ZNF146: variants seen among roughly 807,000 people sequenced by gnomAD.
ZNF146 encodes the protein zinc finger protein OZF.
ZNF146 carries 9 observed loss-of-function variants against 22.2 expected under a neutral mutation model. The ratio of observed to expected loss-of-function variants is 0.41; its 90% CI spans 0.24 to 0.71. The LOEUF (loss-of-function observed/expected upper bound fraction) is 0.71. ZNF146 is among the 30% of genes least tolerant of loss of function. The pLI, the probability that ZNF146 is intolerant of heterozygous loss-of-function variation, is 0.34. For synonymous variants in ZNF146, 108 were observed against 119.2 expected (o/e 0.91, Z 0.61); for missense variants, 194 against 344.8 (o/e 0.56, Z 3.46).
intron 1 of ZNF146, among the ~76,000 whole-genome samples, chr19:36,216,639 G>A (rs1197335417): frequency 6.6e-6 from 1 of 151,928 alleles, no homozygotes; most frequent in East Asian, 1.9e-4. Flanking sequence ...GCCTGGACAA[G>A]AGCGAGATTC....
At chr19:36,215,517 A>G (rs970060834) in intron 1 of ZNF146, among the ~76,000 whole-genome samples, 4 of 152,140 alleles carry the variant, frequency 2.6e-5, no homozygotes, top group Non-Finnish European at 4.4e-5. Context: ...AGTGCTGATA[A>G]TTATAACGGT....
intron 3 of ZNF146, among the ~76,000 whole-genome samples, chr19:36,229,677 A>G (rs532818502): frequency 1.3e-5 from 2 of 152,292 alleles, no homozygotes; most frequent in South Asian, 2.1e-4. Context: ...TATTATGTAC[A>G]TAAGTTTTTT....
chr19:36,227,482 C>T (rs1040836351), intron 2 of ZNF146, among the ~76,000 whole-genome samples: 6 of 151,560 alleles, frequency 4.0e-5, no homozygotes, highest in African/African-American at 1.2e-4. Flanking sequence ...GTCCTGGGCT[C>T]GAGTGATCTT....
At chr19:36,234,361 C>A (rs540501042) in intron 3 of ZNF146, among the ~76,000 whole-genome samples, 58 of 150,426 alleles carry the variant, frequency 3.9e-4, no homozygotes, top group Admixed American at 5.3e-4. Context: ...AAGACTGTCT[C>A]AAAAAAAAAG....
Position 36,237,247 on chromosome 19 carries a change from G to A in ZNF146, c.807G>A (p.Gln269=). 1 of 1,614,014 alleles carries A rather than the reference G, an allele frequency of 6.2e-7. No homozygotes were observed. Among genetic ancestry groups the A allele is most frequent in the Non-Finnish European group, 8.5e-7 (1 of 1,179,974 alleles). ...LRIHTGKKPY[Q]CSECGKAFSQ... ...TACACACAGGTAAGAAGCCTTATCA[G>A]TGCAGTGAATGTGGGAAAGCTTTCA... The change falls in exon 4 of 4, where the codon CAG becomes CAA. Residue 269 remains glutamine, a synonymous_variant. Transcript: ENST00000443387.
chr19:36,232,971 G>T (rs1445915010), intron 3 of ZNF146, among the ~76,000 whole-genome samples: 1 of 152,212 alleles, frequency 6.6e-6, no homozygotes, highest in South Asian at 2.1e-4. Flanking sequence ...CCCCCATGTG[G>T]ATTGAATAAT....
Position 36,236,238 on chromosome 19 carries a change from T to TAG in ZNF146, c.-197_-196dup, listed in dbSNP as rs1349816009. 1 of 564,148 alleles carries TAG rather than the reference T, an allele frequency of 1.8e-6. No homozygotes were observed. The highest frequency in any genetic ancestry group is 2.9e-6 in the Non-Finnish European group (1 of 349,360). The allele number at this position is 564,148 out of a possible 1,614,324, so 34.9% of individuals were successfully genotyped here. A position where few individuals can be genotyped will look rare whatever the true frequency, so the allele number is the denominator to read the frequency against. ...TTCATTGAATATTAGAAAATTTTTC[T>TAG]AGAGAGAAAGCATTGAATATACTGA... On this transcript the variant is annotated 5_prime_UTR_variant, in exon 4 of 4. Transcript: ENST00000443387.
chr19:36,233,073 T>A (rs555648018), intron 3 of ZNF146, among the ~76,000 whole-genome samples: 1 of 152,240 alleles, frequency 6.6e-6, no homozygotes, highest in Non-Finnish European at 1.5e-5. Context: ...AAATTAAATA[T>A]GTATTTTCTA....
chr19:36,225,533 C>T (rs2145420843), intron 2 of ZNF146, among the ~76,000 whole-genome samples: 1 of 151,964 alleles, frequency 6.6e-6, no homozygotes, highest in African/African-American at 2.4e-5. Context: ...TCACTGCAAC[C>T]TCAACCTCCT....
At chr19:36,215,263 G>A (rs550396349) in intron 1 of ZNF146, 67 bp downstream of exon 1, 1 of 152,454 alleles carries the variant, frequency 6.6e-6, no homozygotes, top group South Asian at 2.1e-4. Context: ...TGATCTTTAG[G>A]GGCGCGGCGC....
intron 2 of ZNF146, among the ~76,000 whole-genome samples, chr19:36,225,017 G>T (rs1977009276): frequency 2.0e-5 from 3 of 152,068 alleles, no homozygotes; most frequent in Admixed American, 2.0e-4. Flanking sequence ...GAGGCAGTAG[G>T]CATCCTTGTC....
intron 2 of ZNF146, among the ~76,000 whole-genome samples, chr19:36,224,908 A>G (rs1473267565): frequency 2.6e-5 from 4 of 152,106 alleles, no homozygotes; most frequent in Non-Finnish European, 5.9e-5. Flanking sequence ...TTATGTTGCT[A>G]TGAATGGAGT....
At chr19:36,221,933 T>C (rs983233136) in intron 2 of ZNF146, among the ~76,000 whole-genome samples, 19 of 127,412 alleles carry the variant, frequency 1.5e-4, no homozygotes, top group South Asian at 9.6e-4. Context: ...CTTTCTTTTT[T>C]TTTTTTTTTT....
In ZNF146 at chr19:36,215,146, T is replaced by A. The variant is rs1329887746; in HGVS notation, c.-979T>A. ...GCGCACCGAGTGGACATTTTGGTCT[T>A]TGTCCGCGGGTCAGTACGGCCCCTG... On this transcript the variant is annotated 5_prime_UTR_variant, in exon 1 of 4. It adds an upstream start codon to the 5' untranslated region. Coordinates refer to ENST00000443387, the MANE Select transcript of ZNF146 (RefSeq NM_007145.3). 6.6e-6 allele frequency: 1 copy of A among 152,134 alleles called. No homozygotes were observed. Among genetic ancestry groups the A allele is most frequent in the Non-Finnish European group, 1.5e-5 (1 of 68,058 alleles). The allele number at this position is 152,134 out of a possible 1,614,324, so 9.4% of individuals were successfully genotyped here. A position where few individuals can be genotyped will look rare whatever the true frequency, so the allele number is the denominator to read the frequency against.
At position 36,236,557 on chromosome 19, in the gene ZNF146, G is replaced by A. The variant is rs758875612; in HGVS notation, c.117G>A (p.Thr39=). 4 of 1,613,988 alleles carry A rather than the reference G, an allele frequency of 2.5e-6. No individual in the cohort carries two copies. The highest frequency in any genetic ancestry group is 1.3e-5 in the African/African-American group (1 of 74,900). ...SNLTEHEHFH[T]REKPFECNEC... The stretch of plus-strand genomic sequence containing the variant: ...TCACTGAGCATGAGCATTTTCACAC[G>A]AGAGAGAAACCTTTTGAATGTAACG... Residue 39 remains threonine (T), a synonymous_variant, in exon 4 of 4, where the codon ACG becomes ACA. Transcript: ENST00000443387.
intron 2 of ZNF146, among the ~76,000 whole-genome samples, chr19:36,222,838 C>CT (rs371500908): frequency 0.052 from 4,104 of 78,194 alleles, 209 homozygotes; most frequent in African/African-American, 0.15. Flanking sequence ...ACAGTGGTTT[C>CT]TTTTTTTTTT....
At chr19:36,229,833 C>T (rs566428618) in intron 3 of ZNF146, among the ~76,000 whole-genome samples, 1 of 152,290 alleles carries the variant, frequency 6.6e-6, no homozygotes, top group South Asian at 2.1e-4. Context: ...GATTCTTGTG[C>T]CTCAGGCTCC....
In ZNF146 at chr19:36,235,738, C is replaced by G. The variant is rs1342078474; in HGVS notation, c.-703C>G. 4 of 152,214 alleles carry G rather than the reference C, an allele frequency of 2.6e-5. No homozygotes were observed. The highest frequency in any genetic ancestry group is 4.8e-5 in the African/African-American group (2 of 41,426). The allele number at this position is 152,214 out of a possible 1,614,324, so 9.4% of individuals were successfully genotyped here. A position where few individuals can be genotyped will look rare whatever the true frequency, so the allele number is the denominator to read the frequency against. ...CCAGGACTTGGGAGGCATGTTGATC[C>G]ATCTCCAGGAAAGACTGAGAAAAAG... On this transcript the variant is annotated 5_prime_UTR_variant, in exon 4 of 4. Transcript: ENST00000443387.
At chr19:36,233,501 G>A (rs767884253) in intron 3 of ZNF146, among the ~76,000 whole-genome samples, 3 of 152,054 alleles carry the variant, frequency 2.0e-5, no homozygotes, top group Non-Finnish European at 4.4e-5. Context: ...GCATACGGAG[G>A]ACCTCTCAAG....
Sources: gnomAD v4.1 joint callset for allele counts (sites outside exome capture counted in the v4.1 genomes callset) on GRCh38, gnomAD v4.1.1 for gene constraint, MANE v1.5 for transcripts, NCBI Gene and HGNC (gene_info 2026-07-23, HGNC 2026-07-21) for gene names.